Variants in ZWILCH observed in about 807,000 individuals in gnomAD.
ZWILCH encodes zwilch kinetochore protein, also known as protein zwilch homolog.
Under a neutral mutation model 79.9 loss-of-function variants are expected in ZWILCH, and 74 were observed. The ratio of observed to expected loss-of-function variants is 0.93; its 90% CI spans 0.77 to 1.12. The LOEUF is 1.12. ZWILCH is among the 50% of genes most tolerant of loss of function. The pLI is 0.00. For synonymous variants in ZWILCH, 241 were observed against 228.2 expected (o/e 1.06, Z -0.51); for missense variants, 694 against 687.5 (o/e 1.01, Z -0.11).
chr15:66,532,154 T>C, intron 12 of ZWILCH, 93 bp from the exon 13 acceptor site: 2 of 956,546 alleles, frequency 2.1e-6, no homozygotes, highest in Non-Finnish European at 3.0e-6. Flanking sequence ...CTTATAATTT[T>C]TAGTTTGTAG....
chr15:66,535,675 CAAAA>C (rs35287244), intron 14 of ZWILCH, among the ~76,000 whole-genome samples: 2 of 103,612 alleles, frequency 1.9e-5, no homozygotes, highest in Non-Finnish European at 2.0e-5. Flanking sequence ...GACCCTGTCT[CAAAA>C]AAAAAAAAAA....
chr15:66,519,298 ACTT>A (rs1317015769), intron 5 of ZWILCH, among the ~76,000 whole-genome samples: 2 of 152,156 alleles, frequency 1.3e-5, no homozygotes, highest in Non-Finnish European at 2.9e-5. Context: ...GGAGGTTTAC[ACTT>A]CTTTGATTTG....
chr15:66,542,125 C>T (rs1024273872), intron 17 of ZWILCH, among the ~76,000 whole-genome samples: 2 of 152,002 alleles, frequency 1.3e-5, no homozygotes, highest in Non-Finnish European at 2.9e-5. Context: ...TTCTGCATGG[C>T]AAAACAGACA....
chr15:66,524,948 C>T (rs1169118682), intron 8 of ZWILCH, among the ~76,000 whole-genome samples: 3 of 152,174 alleles, frequency 2.0e-5, no homozygotes, highest in Non-Finnish European at 2.9e-5. Flanking sequence ...TTGACTGACA[C>T]CTTTGTGAGC....
chr15:66,529,420 A>G (rs1307500049), intron 11 of ZWILCH, 74 bp from the exon 12 acceptor site: 2 of 970,682 alleles, frequency 2.1e-6, no homozygotes, highest in Non-Finnish European at 3.1e-6. Context: ...TCATTTGTGT[A>G]TCCTTAAGAT....
chr15:66,535,653 G>A (rs1023789627), intron 14 of ZWILCH, among the ~76,000 whole-genome samples: 1 of 150,654 alleles, frequency 6.6e-6, no homozygotes, highest in Non-Finnish European at 1.5e-5. Flanking sequence ...TCCAGCCTGT[G>A]TGGCAGAGTG....
Position 66,548,404 on chromosome 15 carries a change from C to A in ZWILCH, c.*80C>A. 1 of 574,582 alleles carries A rather than the reference C, an allele frequency of 1.7e-6. No homozygotes were observed. Among genetic ancestry groups the A allele is most frequent in the Non-Finnish European group, 3.0e-6 (1 of 328,578 alleles). The allele number at this position is 574,582 out of a possible 1,614,324, so 35.6% of individuals were successfully genotyped here. A position where few individuals can be genotyped will look rare whatever the true frequency, so the allele number is the denominator to read the frequency against. On this transcript the variant is annotated 3_prime_UTR_variant, in exon 19 of 19. Coordinates refer to ENST00000307897, the MANE Select transcript of ZWILCH (RefSeq NM_017975.5). ...AGGTAATTATTGTAGAACCTGAAAA[C>A]AGCAATGTATGGAAACCCTCAAAGC... is the stretch of plus-strand genomic sequence containing the variant.
At chr15:66,523,792 A>C in intron 8 of ZWILCH, 44 bp downstream of exon 8, 1 of 1,456,550 alleles carries the variant, frequency 6.9e-7, no homozygotes, top group Non-Finnish European at 9.6e-7. Context: ...CTATGTTTTT[A>C]TAAACATGTG....
In ZWILCH at chr15:66,505,381, C is replaced by T. The variant is rs763216070; in HGVS notation, c.43C>T (p.Arg15Cys). The T allele has an allele frequency of 9.3e-6, 15 of 1,613,972 alleles. No homozygotes were observed. The highest frequency in any genetic ancestry group is 1.3e-5 in the African/African-American group (1 of 74,942). The stretch of plus-strand genomic sequence containing the variant: ...CTGCGCAGCAGAGGACTTTTATTCT[C>T]GTCTCCTTCAGTGAGTCTAGTCTCT... ...LNCAAEDFYS[R>C]LLQKFNEEKK... Residue 15 changes from arginine (R) to cysteine (C), a missense_variant, in exon 1 of 19, where the codon CGT becomes TGT. Arg to Cys is a radical substitution (Grantham distance 180). Transcript: ENST00000307897.
At chr15:66,532,708 A>G (rs1390726247) in intron 13 of ZWILCH, among the ~76,000 whole-genome samples, 1 of 151,972 alleles carries the variant, frequency 6.6e-6, no homozygotes, top group Admixed American at 6.6e-5. Context: ...TTAATACCCT[A>G]CACTTGGTTG....
rs542763855 is a variant in ZWILCH at position 66,533,030 on chromosome 15, A to G, written c.1341+17A>G. 2.6e-6 allele frequency: 4 copies of G among 1,562,696 alleles called. No homozygotes were observed. The South Asian group carries it at 4.8e-5, about 19-fold the overall frequency. On this transcript the variant is annotated intron_variant, in intron 14 of 18. Coordinates refer to ENST00000307897, the MANE Select transcript of ZWILCH (RefSeq NM_017975.5). ...AATCATTTGGTGAGTTTATTTTTTT[A>G]TTCTAAAATTGGTTTTTCTTTTATT...
intron 4 of ZWILCH, among the ~76,000 whole-genome samples, chr15:66,517,769 G>C (rs1894341945): frequency 1.0e-5 from 1 of 99,830 alleles, no homozygotes; most frequent in Non-Finnish European, 1.8e-5. Context: ...GAGTCACTCT[G>C]TCGCCCAGGC....
intron 17 of ZWILCH, among the ~76,000 whole-genome samples, chr15:66,545,148 T>A (rs1320163229): frequency 6.6e-6 from 1 of 151,622 alleles, no homozygotes; most frequent in Non-Finnish European, 1.5e-5. Context: ...AGGTCAGGAG[T>A]TCGTGACCAG....
intron 17 of ZWILCH, among the ~76,000 whole-genome samples, chr15:66,546,126 A>T (rs1462539701): frequency 6.6e-6 from 1 of 152,214 alleles, no homozygotes; most frequent in Non-Finnish European, 1.5e-5. Flanking sequence ...ATGTTGACCC[A>T]CAAGGAAGTG....
intron 14 of ZWILCH, among the ~76,000 whole-genome samples, chr15:66,533,730 G>A (rs80114435): frequency 0.013 from 1,958 of 149,820 alleles, 34 homozygotes; most frequent in African/African-American, 0.045. Flanking sequence ...ACACACACGC[G>A]CACACACACA....
chr15:66,531,997 G>C (rs145123033), intron 12 of ZWILCH, among the ~76,000 whole-genome samples: 1 of 152,070 alleles, frequency 6.6e-6, no homozygotes, highest in Non-Finnish European at 1.5e-5. Flanking sequence ...AACCTGGGAG[G>C]TAGAGGTTGC....
chr15:66,516,883 A>G (rs1248670184), intron 4 of ZWILCH, among the ~76,000 whole-genome samples: 1 of 152,108 alleles, frequency 6.6e-6, no homozygotes, highest in Non-Finnish European at 1.5e-5. Flanking sequence ...TTTTCTCCCT[A>G]CGACTTAAAT....
In ZWILCH at chr15:66,505,348, C is replaced by A. The variant is rs147940200; in HGVS notation, c.10C>A (p.Arg4=). The A allele has an allele frequency of 4.0e-4, 645 of 1,613,902 alleles. 5 individuals are homozygous for A. The African/African-American group carries it at 7.8e-3, about 20-fold the overall frequency. The stretch of plus-strand genomic sequence containing the variant: ...CTCACATTGGGGCGGGATGTGGGAG[C>A]GGCTGAACTGCGCAGCAGAGGACTT... MWE[R]LNCAAEDFYS... is the part of the protein sequence containing the mutation. The change falls in exon 1 of 19, where the codon CGG becomes AGG. Residue 4 remains arginine (R), a synonymous_variant. Coordinates refer to ENST00000307897, the MANE Select transcript of ZWILCH (RefSeq NM_017975.5).
At position 66,528,938 on chromosome 15, in the gene ZWILCH, G is replaced by C; in HGVS notation, c.1056G>C (p.Leu352=). The C allele has an allele frequency of 2.5e-6, 4 of 1,614,056 alleles. No homozygotes were observed. The highest frequency in any genetic ancestry group is 2.5e-6 in the Non-Finnish European group (3 of 1,179,944). ...VRSDLDFAEQ[L]WCKMSSSVIS... ...GTGATCTTGATTTTGCTGAGCAACTGTGGTGCAAAATGAGCAGTAGTAGGT... is the reference window on the plus strand; with the variant it reads ...GTGATCTTGATTTTGCTGAGCAACTCTGGTGCAAAATGAGCAGTAGTAGGT... Residue 352 remains leucine (L), a synonymous_variant, in exon 11 of 19, where the codon CTG becomes CTC. Coordinates refer to ENST00000307897, the MANE Select transcript of ZWILCH (RefSeq NM_017975.5).
Sources: gnomAD v4.1 joint callset for allele counts (sites outside exome capture counted in the v4.1 genomes callset) on GRCh38, gnomAD v4.1.1 for gene constraint, MANE v1.5 for transcripts, NCBI Gene and HGNC (gene_info 2026-07-23, HGNC 2026-07-21) for gene names.